The following RSPH3 variants were observed in gnomAD, a reference collection of about 807,000 sequenced individuals.
RSPH3 encodes radial spoke head 3.
A neutral mutation model predicts 43.8 loss-of-function variants in RSPH3; 21 were observed. The ratio of observed to expected loss-of-function variants is 0.48; its 90% confidence interval spans 0.34 to 0.69. RSPH3 has a LOEUF of 0.69. RSPH3 is among the 30% of genes least tolerant of loss of function. RSPH3 has a pLI of 0.01. For missense variants in RSPH3, 487 were observed against 516.0 expected, an observed-to-expected ratio of 0.94 and a Z score of 0.54; for synonymous variants, 173 against 179.8, an observed-to-expected ratio of 0.96 and a Z score of 0.30.
rs1778826816 is a variant in RSPH3, at chr6:159,000,191, CG to C, written c.-642del. The stretch of plus-strand genomic sequence containing the variant: ...CAGGCTCCCAGCTCTGTTACGTGCC[CG>C]GGCGGGGAAGAGCTTCCTGGTGTCT... On this transcript the variant is annotated 5_prime_UTR_variant, in exon 1 of 8. Transcript: ENST00000367069. 6 of 533,790 alleles carry C rather than the reference CG, an allele frequency of 1.1e-5. No individual in the cohort carries two copies. Among genetic ancestry groups the C allele is most frequent in the South Asian group, 1.1e-4 (4 of 36,230 alleles). The allele number at this position is 533,790 out of a possible 1,614,324, so 33.1% of individuals were successfully genotyped here. A position where few individuals can be genotyped will look rare whatever the true frequency, so the allele number is the denominator to read the frequency against.
At position 158,976,413 on chromosome 6, in the gene RSPH3, T is replaced by C. The variant is rs1777840305; in HGVS notation, c.*1125A>G. The C allele has an allele frequency of 6.6e-6, 1 of 152,200 alleles. No individual in the cohort carries two copies. Among genetic ancestry groups the C allele is most frequent in the South Asian group, 2.1e-4 (1 of 4,836 alleles). 9.4% of individuals were successfully genotyped at this position (152,200 alleles called of 1,614,324 possible). On this transcript the variant is annotated 3_prime_UTR_variant, in exon 8 of 8. Transcript: ENST00000367069. Reference sequence around the variant, plus strand: ...ATACCTTAACCATATTTTGACAAGATAAGAGATTGATGCCACTAACCTTGA... The same window carrying C: ...ATACCTTAACCATATTTTGACAAGACAAGAGATTGATGCCACTAACCTTGA...
chr6:158,964,051 C>T, the RSPH3 span, among the ~76,000 whole-genome samples: 7 of 152,144 alleles, frequency 4.6e-5, no homozygotes, highest in African/African-American at 1.7e-4. Flanking sequence ...AATATATGTA[C>T]CCTATTCAAA....
rs939533661 is a variant in RSPH3, at chr6:158,989,608, A to G, written c.205-3187T>C. Among the ~76,000 whole-genome samples the G allele has an allele frequency of 5.3e-5, 8 of 152,138 alleles. No homozygotes were observed. Among genetic ancestry groups the G allele is most frequent in the Non-Finnish European group, 1.0e-4 (7 of 68,016 alleles). ...GGTTGAGTTATACAGCAGAGTGTCC[A>G]GGGCTGGAGATGGTAGTCTCACCTC... On this transcript the variant is annotated intron_variant, in intron 2 of 7. Coordinates refer to ENST00000367069, the MANE Select transcript of RSPH3 (RefSeq NM_031924.8). This position sits in a 1 kb window ranked among gnomAD's most constrained non-coding sequence, Gnocchi z 4.3.
intron 2 of RSPH3, among the ~76,000 whole-genome samples, chr6:158,993,465 T>G (rs955228319): frequency 6.6e-6 from 1 of 150,540 alleles, no homozygotes; most frequent in Non-Finnish European, 1.5e-5. Flanking sequence ...TCTTTTTTTG[T>G]GGTAAAACAC....
rs138288873 is a variant in RSPH3 at position 158,975,284 on chromosome 6, T to C, written c.*2254A>G. ...TGTTAGGATGATCATAAAGACTGTTTAACAAGATGGAACCAGCCCCATGAT... is the reference window on the plus strand; with the variant it reads ...TGTTAGGATGATCATAAAGACTGTTCAACAAGATGGAACCAGCCCCATGAT... On this transcript the variant is annotated 3_prime_UTR_variant, in exon 8 of 8. Coordinates refer to ENST00000367069, the MANE Select transcript of RSPH3 (RefSeq NM_031924.8). 2 of 152,342 alleles carry C rather than the reference T, an allele frequency of 1.3e-5. No homozygotes were observed. The highest frequency in any genetic ancestry group is 3.9e-4 in the East Asian group (2 of 5,190). 9.4% of individuals were successfully genotyped at this position (152,342 alleles called of 1,614,324 possible).
intron 3 of RSPH3, among the ~76,000 whole-genome samples, chr6:158,985,814 C>CTT (rs760654106): frequency 2.7e-5 from 4 of 146,882 alleles, no homozygotes; most frequent in Non-Finnish European, 3.0e-5. Context: ...CTCTCTCTCT[C>CTT]TCTTTTTTTT....
chr6:158,997,750 A>C (rs909453158), intron 1 of RSPH3, among the ~76,000 whole-genome samples: 1 of 152,210 alleles, frequency 6.6e-6, no homozygotes, highest in Non-Finnish European at 1.5e-5. Context: ...TTTGTAAGCA[A>C]CCACTTAAAG....
At chr6:158,969,356 T>C (rs1009349291), downstream of RSPH3, among the ~76,000 whole-genome samples, 1 of 152,242 alleles carries the variant, frequency 6.6e-6, no homozygotes, top group African/African-American at 2.4e-5. Flanking sequence ...GCCTTCATGA[T>C]GTGGGATGAG....
Position 158,977,425 on chromosome 6 carries a change from A to T in RSPH3, c.*113T>A. 2 of 892,332 alleles carry T rather than the reference A, an allele frequency of 2.2e-6. No individual in the cohort carries two copies. Among genetic ancestry groups the T allele is most frequent in the Non-Finnish European group, 3.4e-6 (2 of 580,424 alleles). 55.3% of individuals were successfully genotyped at this position (892,332 alleles called of 1,614,324 possible). A position where few individuals can be genotyped will look rare whatever the true frequency, so the allele number is the denominator to read the frequency against. On this transcript the variant is annotated 3_prime_UTR_variant, in exon 8 of 8. Coordinates refer to ENST00000367069, the MANE Select transcript of RSPH3 (RefSeq NM_031924.8). ...TTGGCCCAGTCCATTACACAAAAAG[A>T]CATACTGACTAAATACAACATAATT...
At chr6:158,978,988 C>T (rs374379788) in intron 6 of RSPH3, among the ~76,000 whole-genome samples, 37 of 152,016 alleles carry the variant, frequency 2.4e-4, no homozygotes, top group Admixed American at 1.6e-3. Context: ...TGGGATTGAG[C>T]AATGCCAGTA....
chr6:158,975,114 C>G lies in RSPH3; in HGVS notation c.*2424G>C, dbSNP rs991085632. On this transcript the variant is annotated 3_prime_UTR_variant, in exon 8 of 8. Transcript: ENST00000367069. ...TCGGCCTCCCAAAGTGCTGGGATTA[C>G]AGGTGCAAGCCACCGTGCCTGGCCC... is the stretch of plus-strand genomic sequence containing the variant. 8 of 152,210 alleles carry G rather than the reference C, an allele frequency of 5.3e-5. No homozygotes were observed. The highest frequency in any genetic ancestry group is 1.9e-4 in the African/African-American group (8 of 41,446). 9.4% of individuals were successfully genotyped at this position (152,210 alleles called of 1,614,324 possible).
chr6:158,965,833 T>G, the RSPH3 span, among the ~76,000 whole-genome samples: 1 of 152,162 alleles, frequency 6.6e-6, no homozygotes, highest in Non-Finnish European at 1.5e-5. Flanking sequence ...GGCTAATTCC[T>G]GATCTTATAA....
Position 158,980,968 on chromosome 6 carries a change from T to C in RSPH3, c.697-32A>G, listed in dbSNP as rs1348021016. The stretch of plus-strand genomic sequence containing the variant: ...AGAACGACAGAGGTGGTTATTTAGC[T>C]CTTATGCCCTCCCCAAGTGCTGAAT... On this transcript the variant is annotated intron_variant, in intron 5 of 7. Transcript: ENST00000367069. 2.5e-6 allele frequency: 4 copies of C among 1,608,012 alleles called. No individual in the cohort carries two copies. In the African/African-American group the frequency reaches 4.0e-5, roughly 16 times the overall value.
intron 3 of RSPH3, among the ~76,000 whole-genome samples, chr6:158,984,443 T>C (rs1400353794): frequency 1.9e-5 from 2 of 106,972 alleles, no homozygotes; most frequent in Non-Finnish European, 3.7e-5. Flanking sequence ...ATTATATATA[T>C]ATATATATAT....
chr6:158,968,822 C>T (rs1438621180), downstream of RSPH3, among the ~76,000 whole-genome samples: 1 of 151,912 alleles, frequency 6.6e-6, no homozygotes, highest in African/African-American at 2.4e-5. Context: ...AGCAATTCTC[C>T]TGCCTTAGCC....
rs767754336 is a variant in RSPH3, at chr6:158,999,460, G to T, written c.91C>A (p.Arg31Ser). Residue 31 changes from arginine to serine, a missense_variant, in exon 1 of 8, where the codon CGT (arginine) becomes AGT (serine). By Grantham distance (110) the Arg-to-Ser change is moderately radical. Transcript: ENST00000367069. ...GGCTGCGTCAGGCTGTCCCGGTAAC[G>T]GCTGCGCTGGCAGGGCAGTGCTCGG... Reference protein sequence around the residue: ...RPRALPCQRSRYRDSLTQPDE... With the variant: ...RPRALPCQRSSYRDSLTQPDE... 1 of 1,515,172 alleles carries T rather than the reference G, an allele frequency of 6.6e-7. No homozygotes were observed. Among genetic ancestry groups the T allele is most frequent in the East Asian group, 2.3e-5 (1 of 43,552 alleles). The allele number at this position is 1,515,172 out of a possible 1,614,324, so 93.9% of individuals were successfully genotyped here.
At position 158,993,405 on chromosome 6, in the gene RSPH3, C is replaced by A. The variant is rs189078666; in HGVS notation, c.204+434G>T. Among the ~76,000 whole-genome samples, 9 of 150,496 alleles carry A rather than the reference C, an allele frequency of 6.0e-5. No homozygotes were observed. The East Asian group carries it at 9.8e-4, about 16-fold the overall frequency. On this transcript the variant is annotated intron_variant, in intron 2 of 7. Coordinates refer to ENST00000367069, the MANE Select transcript of RSPH3 (RefSeq NM_031924.8). ...TGCTGGGATTACAGGCGTGAGCCAC[C>A]GCGCCCGGCCAACTGGGGCTTGCTT...
chr6:158,992,457 GTT>G (rs35383020), intron 2 of RSPH3, among the ~76,000 whole-genome samples: 35 of 127,880 alleles, frequency 2.7e-4, no homozygotes, highest in East Asian at 1.7e-3. Flanking sequence ...TTTTTGTGGG[GTT>G]TTTTTTTTTT....
chr6:158,978,733 G>T (rs1370266457), intron 6 of RSPH3, among the ~76,000 whole-genome samples: 1 of 152,066 alleles, frequency 6.6e-6, no homozygotes, highest in Non-Finnish European at 1.5e-5. Flanking sequence ...TAGAGACAGG[G>T]TTTCACCATG....
Sources: allele counts gnomAD v4.1 joint callset (sites outside exome capture counted in the v4.1 genomes callset), GRCh38; gene constraint gnomAD v4.1.1; non-coding constraint Gnocchi (gnomAD v3.1); transcripts MANE v1.5; gene names NCBI Gene and HGNC (gene_info 2026-07-23, HGNC 2026-07-21).